NIBAN2: variants seen among roughly 807,000 people sequenced by gnomAD.
NIBAN2 encodes protein Niban 2.
NIBAN2 carries 36 observed loss-of-function variants against 81.8 expected under a neutral mutation model. That is an observed-to-expected ratio of 0.44 (90% CI 0.34 to 0.58). The LOEUF is 0.58. NIBAN2 is among the 20% of genes least tolerant of loss of function. The pLI, the probability that NIBAN2 is intolerant of heterozygous loss-of-function variation, is 0.02. For missense variants in NIBAN2, 897 were observed against 1,014.1 expected (o/e 0.88, Z 1.57); for synonymous variants, 445 against 441.6 (o/e 1.01, Z -0.10).
rs1158748329 is a variant in NIBAN2 at position 127,507,639 on chromosome 9, C to T, written c.1655-208G>A. ...CTGACCACATGTCATCTAATCACTC[C>T]TCTGACCCTCCCAGCAAAGCCAAGG... On this transcript the variant is annotated intron_variant, in intron 13 of 13. Coordinates refer to ENST00000373312, the MANE Select transcript of NIBAN2 (RefSeq NM_022833.4). This position sits in a 1 kb window ranked among gnomAD's most constrained non-coding sequence, Gnocchi z 6.8. Among the ~76,000 whole-genome samples the T allele has an allele frequency of 6.6e-6, 1 of 152,224 alleles. No homozygotes were observed. Among genetic ancestry groups the T allele is most frequent in the African/African-American group, 2.4e-5 (1 of 41,468 alleles).
chr9:127,508,399 G>T lies in NIBAN2; in HGVS notation c.1434+23C>A. On this transcript the variant is annotated intron_variant, in intron 11 of 13. Coordinates refer to ENST00000373312, the MANE Select transcript of NIBAN2 (RefSeq NM_022833.4). This position sits in a 1 kb window ranked among gnomAD's most constrained non-coding sequence, Gnocchi z 6.4. Reference sequence around the variant, plus strand: ...GCTCGGCCTCGCCTAGGACGGTCCGGGGCAGGGCGTGGGGCCGCTCACCTT... The same window carrying T: ...GCTCGGCCTCGCCTAGGACGGTCCGTGGCAGGGCGTGGGGCCGCTCACCTT... 6.3e-7 allele frequency: 1 copy of T among 1,579,552 alleles called. No individual in the cohort carries two copies.
Position 127,545,150 on chromosome 9 carries a change from G to A in NIBAN2, c.56-13372C>T, listed in dbSNP as rs1056735146. ...CTGGCCTCTGGCCTTGGGGTCCCACGTCTACAGTGCCCTCCTAGCGTCCAC... is the reference window on the plus strand; with the variant it reads ...CTGGCCTCTGGCCTTGGGGTCCCACATCTACAGTGCCCTCCTAGCGTCCAC... On this transcript the variant is annotated intron_variant, in intron 1 of 13. Coordinates refer to ENST00000373312, the MANE Select transcript of NIBAN2 (RefSeq NM_022833.4). The surrounding 1 kb of genome is among the most constrained non-coding windows in gnomAD (Gnocchi z 4.7). Among the ~76,000 whole-genome samples, 28 of 152,124 alleles carry A rather than the reference G, an allele frequency of 1.8e-4. No individual in the cohort carries two copies. Among genetic ancestry groups the A allele is most frequent in the African/African-American group, 6.3e-4 (26 of 41,426 alleles).
rs1836856306 is a variant in NIBAN2 at position 127,517,526 on chromosome 9, C to T, written c.705+300G>A. On this transcript the variant is annotated intron_variant, in intron 6 of 13. Coordinates refer to ENST00000373312, the MANE Select transcript of NIBAN2 (RefSeq NM_022833.4). The surrounding 1 kb of genome is among the most constrained non-coding windows in gnomAD (Gnocchi z 4.0). ...CACATGGAAGTGTACATTTATTTGC[C>T]AAATGTCTGTTTCTCCTGCTATACG... is the stretch of plus-strand genomic sequence containing the variant. 6.6e-6 allele frequency among the ~76,000 whole-genome samples: 1 copy of T among 152,150 alleles called. No individual in the cohort carries two copies. Among genetic ancestry groups the T allele is most frequent in the South Asian group, 2.1e-4 (1 of 4,836 alleles).
intron 2 of NIBAN2, among the ~76,000 whole-genome samples, chr9:127,528,083 G>C (rs1837110602): frequency 6.6e-6 from 1 of 152,230 alleles, no homozygotes; most frequent in Non-Finnish European, 1.5e-5. Context: ...AATGGGAACA[G>C]TAAGAGTTGG....
upstream of NIBAN2, among the ~76,000 whole-genome samples, chr9:127,569,325 A>C (rs1160241424): frequency 6.7e-6 from 1 of 150,230 alleles, no homozygotes; most frequent in Non-Finnish European, 1.5e-5. Flanking sequence ...GGACGCCGGG[A>C]CCGCCCTGGA....
chr9:127,549,437 A>G (rs1277378502), intron 1 of NIBAN2, among the ~76,000 whole-genome samples: 1 of 152,052 alleles, frequency 6.6e-6, no homozygotes, highest in East Asian at 1.9e-4. Flanking sequence ...TCACATGTGC[A>G]GGCACACACA....
chr9:127,525,157 C>T lies in NIBAN2; in HGVS notation c.322G>A (p.Glu108Lys). Residue 108 changes from glutamate (E) to lysine (K), a missense_variant, in exon 4 of 14, where the codon GAG becomes AAG. Coordinates refer to ENST00000373312, the MANE Select transcript of NIBAN2 (RefSeq NM_022833.4). ...LVLYENKAAY[E>K]RQVPPRAVIN... The stretch of plus-strand genomic sequence containing the variant: ...ACGGCTCGTGGTGGGACCTGCCGCT[C>T]ATAGGCCTGAGGGAGGCAAGAGAGA... 5.0e-6 allele frequency: 8 copies of T among 1,613,846 alleles called. No individual in the cohort carries two copies. Among genetic ancestry groups the T allele is most frequent in the Non-Finnish European group, 5.9e-6 (7 of 1,179,788 alleles).
chr9:127,506,740 C>G lies in NIBAN2; in HGVS notation c.*105G>C. 1 of 1,092,750 alleles carries G rather than the reference C, an allele frequency of 9.2e-7. No homozygotes were observed. The highest frequency in any genetic ancestry group is 1.3e-6 in the Non-Finnish European group (1 of 778,460). 67.7% of individuals were successfully genotyped at this position (1,092,750 alleles called of 1,614,324 possible). On this transcript the variant is annotated 3_prime_UTR_variant, in exon 14 of 14. Coordinates refer to ENST00000373312, the MANE Select transcript of NIBAN2 (RefSeq NM_022833.4). ...GCGGTGCCACACAGCCCTGCCCCGCCTCCACCCACAAGGCACAGACCAGGG... is the reference window on the plus strand; with the variant it reads ...GCGGTGCCACACAGCCCTGCCCCGCGTCCACCCACAAGGCACAGACCAGGG...
chr9:127,533,230 G>A (rs962590405), intron 1 of NIBAN2, among the ~76,000 whole-genome samples: 8 of 151,538 alleles, frequency 5.3e-5, no homozygotes, highest in Non-Finnish European at 1.2e-4. Flanking sequence ...GCCGAGGTGG[G>A]CAGATCACAA....
At chr9:127,519,090 G>A (rs770168843) in intron 5 of NIBAN2, among the ~76,000 whole-genome samples, 7 of 147,576 alleles carry the variant, frequency 4.7e-5, no homozygotes, top group Non-Finnish European at 7.4e-5. Context: ...CAGGAGAATC[G>A]CTTGAACCCA....
chr9:127,521,996 G>A (rs1467031810), intron 5 of NIBAN2, among the ~76,000 whole-genome samples: 1 of 152,174 alleles, frequency 6.6e-6, no homozygotes, highest in East Asian at 1.9e-4. Context: ...TTCCCTATCT[G>A]GCGCAGGTCA....
In NIBAN2 at chr9:127,517,064, C is replaced by T. The variant is rs1448685055; in HGVS notation, c.811-45G>A. 1.9e-6 allele frequency: 3 copies of T among 1,610,500 alleles called. No individual in the cohort carries two copies. Among genetic ancestry groups the T allele is most frequent in the Non-Finnish European group, 2.5e-6 (3 of 1,177,568 alleles). On this transcript the variant is annotated intron_variant, in intron 7 of 13. Transcript: ENST00000373312. The surrounding 1 kb of genome is among the most constrained non-coding windows in gnomAD (Gnocchi z 4.0). ...ATTGGCACCAGGGCTGAGGGCACCG[C>T]ACCAGCTGCAGGTCCCGTCCCCGCT...
chr9:127,530,410 G>A (rs1243225022), intron 2 of NIBAN2, among the ~76,000 whole-genome samples: 3 of 152,204 alleles, frequency 2.0e-5, no homozygotes, highest in Non-Finnish European at 4.4e-5. Flanking sequence ...TTGGCCAGGT[G>A]CGGCAGCTGA....
At chr9:127,532,962 A>C (rs1029306475) in intron 1 of NIBAN2, among the ~76,000 whole-genome samples, 1 of 152,164 alleles carries the variant, frequency 6.6e-6, no homozygotes, top group African/African-American at 2.4e-5. Flanking sequence ...GTTCGAGACC[A>C]GCCTGGCCAA....
intron 8 of NIBAN2, among the ~76,000 whole-genome samples, chr9:127,513,807 T>C (rs1448408649): frequency 6.6e-6 from 1 of 152,224 alleles, no homozygotes; most frequent in Non-Finnish European, 1.5e-5. Flanking sequence ...AAACTTGCTT[T>C]AACTCTATGG....
At position 127,508,898 on chromosome 9, in the gene NIBAN2, G is replaced by T; in HGVS notation, c.1317+78C>A. 6.5e-7 allele frequency: 1 copy of T among 1,535,894 alleles called. No homozygotes were observed. Among genetic ancestry groups the T allele is most frequent in the Non-Finnish European group, 9.0e-7 (1 of 1,113,332 alleles). ...GGCTATGGCATGACGGGACGGAGCA[G>T]AAGGGACCCCCTGGGCGAGGGGGCC... On this transcript the variant is annotated intron_variant, in intron 10 of 13. Coordinates refer to ENST00000373312, the MANE Select transcript of NIBAN2 (RefSeq NM_022833.4). The surrounding 1 kb of genome is among the most constrained non-coding windows in gnomAD (Gnocchi z 6.4).
At chr9:127,525,836 T>G (rs923751873) in intron 3 of NIBAN2, among the ~76,000 whole-genome samples, 1 of 152,192 alleles carries the variant, frequency 6.6e-6, no homozygotes, top group African/African-American at 2.4e-5. Context: ...CTGGGGTATT[T>G]GACCATTACC....
In NIBAN2 at chr9:127,530,143, A is replaced by G. The variant is rs553158611; in HGVS notation, c.186+1505T>C. Among the ~76,000 whole-genome samples, 4 of 152,104 alleles carry G rather than the reference A, an allele frequency of 2.6e-5. No individual in the cohort carries two copies. The East Asian group carries it at 7.7e-4, about 29-fold the overall frequency. On this transcript the variant is annotated intron_variant, in intron 2 of 13. Transcript: ENST00000373312. The stretch of plus-strand genomic sequence containing the variant: ...CTCCTTTTCTTTCCTTTCCTACCAC[A>G]CAGATACGCACCTGCCAGACACCCA...
chr9:127,579,001 G>T, upstream of NIBAN2: 2 of 1,437,996 alleles, frequency 1.4e-6, no homozygotes, highest in Non-Finnish European at 1.9e-6. Flanking sequence ...CTCCTAGCAC[G>T]TCCTTGAGAG....
Sources: allele counts gnomAD v4.1 joint callset (sites outside exome capture counted in the v4.1 genomes callset), GRCh38; gene constraint gnomAD v4.1.1; non-coding constraint Gnocchi (gnomAD v3.1); transcripts MANE v1.5; gene names NCBI Gene and HGNC (gene_info 2026-07-23, HGNC 2026-07-21).